CAMKK2: variants seen among roughly 807,000 people sequenced by gnomAD.
CAMKK2 encodes calcium/calmodulin dependent protein kinase kinase 2, also known as calcium/calmodulin-dependent protein kinase kinase 2.
Under a neutral mutation model 67.2 loss-of-function variants are expected in CAMKK2, and 30 were observed. The observed-to-expected ratio is 0.45, with a 90% CI of 0.33 to 0.61. The LOEUF (loss-of-function observed/expected upper bound fraction) is 0.61, where lower values mean the gene tolerates loss of function less well. CAMKK2 is among the 20% of genes least tolerant of loss of function. The pLI is 0.02. For missense variants in CAMKK2, 643 were observed against 802.0 expected (o/e 0.80, Z 2.39); for synonymous variants, 322 against 326.2 (o/e 0.99, Z 0.14).
intron 1 of CAMKK2, among the ~76,000 whole-genome samples, chr12:121,282,773 T>G (rs894349868): frequency 7.2e-6 from 1 of 138,578 alleles, no homozygotes; most frequent in Non-Finnish European, 1.5e-5. Context: ...TCTTTTCTTT[T>G]TGACAGAGTC....
chr12:121,253,200 G>T lies in CAMKK2; in HGVS notation c.1107+73C>A. Reference sequence around the variant, plus strand: ...TCACTGTTTAAGCCTGTGTGCGTTGGGTTTCTGCTGCTTACAATCCAGAAG... The same window carrying T: ...TCACTGTTTAAGCCTGTGTGCGTTGTGTTTCTGCTGCTTACAATCCAGAAG... On this transcript the variant is annotated intron_variant, in intron 10 of 16. Coordinates refer to ENST00000404169, the MANE Select transcript of CAMKK2 (RefSeq NM_001270485.2). The surrounding 1 kb of genome is among the most constrained non-coding windows in gnomAD (Gnocchi z 5.0). 1 of 1,345,588 alleles carries T rather than the reference G, an allele frequency of 7.4e-7. No individual in the cohort carries two copies. 83.4% of individuals were successfully genotyped at this position (1,345,588 alleles called of 1,614,324 possible).
Position 121,255,566 on chromosome 12 carries a change from G to A in CAMKK2, c.891C>T (p.Ile297=), listed in dbSNP as rs139606987. ...CCTGCTCACAGTACTCGATGCCTTTGATCAGATCCTGGAAGTAGAAACGGG... is the reference window on the plus strand; with the variant it reads ...CCTGCTCACAGTACTCGATGCCTTTAATCAGATCCTGGAAGTAGAAACGGG... ...DQARFYFQDL[I]KGIEYLHYQK... is the part of the protein sequence containing the mutation. The change falls in exon 9 of 17, where the codon ATC becomes ATT. Residue 297 remains isoleucine, a synonymous_variant. Coordinates refer to ENST00000404169, the MANE Select transcript of CAMKK2 (RefSeq NM_001270485.2). 1.3e-3 allele frequency: 2,129 copies of A among 1,611,374 alleles called. 4 individuals are homozygous for A. Among genetic ancestry groups the A allele is most frequent in the Middle Eastern group, 0.012 (71 of 6,058 alleles).
At chr12:121,290,164 T>C (rs940932484) in intron 1 of CAMKK2, among the ~76,000 whole-genome samples, 4 of 152,190 alleles carry the variant, frequency 2.6e-5, no homozygotes. Context: ...GTCTGGAACA[T>C]GGAAGGGTTC....
intron 16 of CAMKK2, among the ~76,000 whole-genome samples, chr12:121,241,929 A>C (rs927168553): frequency 6.6e-6 from 1 of 152,242 alleles, no homozygotes. Flanking sequence ...TGACCAAGGC[A>C]TCCTACCTGC....
chr12:121,291,439 C>T (rs776660054), intron 1 of CAMKK2, among the ~76,000 whole-genome samples: 2 of 152,100 alleles, frequency 1.3e-5, no homozygotes, highest in Non-Finnish European at 2.9e-5. Context: ...AGTACTGGGC[C>T]GCAGAAGCGA....
At chr12:121,281,357 C>T (rs1233834285) in intron 1 of CAMKK2, among the ~76,000 whole-genome samples, 1 of 152,218 alleles carries the variant, frequency 6.6e-6, no homozygotes, top group African/African-American at 2.4e-5. Flanking sequence ...TTGCCTCATC[C>T]CGGGCACAAC....
At position 121,270,958 on chromosome 12, in the gene CAMKK2, G is replaced by C. The variant is rs1223727449; in HGVS notation, c.472-13C>G. On this transcript the variant is annotated splice_polypyrimidine_tract_variant and intron_variant, in intron 2 of 16. Coordinates refer to ENST00000404169, the MANE Select transcript of CAMKK2 (RefSeq NM_001270485.2). ...GCTGCACACAGTCCTAGAGAGTAAG[G>C]AGAGACACGTGCAAAATGAATTTTA... 6.2e-7 allele frequency: 1 copy of C among 1,611,408 alleles called. No individual in the cohort carries two copies. The highest frequency in any genetic ancestry group is 8.5e-7 in the Non-Finnish European group (1 of 1,177,756).
chr12:121,289,890 C>T (rs1348805683), intron 1 of CAMKK2, among the ~76,000 whole-genome samples: 3 of 122,260 alleles, frequency 2.5e-5, no homozygotes, highest in Admixed American at 1.6e-4. Flanking sequence ...AAGACCCTGT[C>T]TTTAAAAAAA....
chr12:121,291,165 T>C (rs555587791), intron 1 of CAMKK2, among the ~76,000 whole-genome samples: 136 of 152,286 alleles, frequency 8.9e-4, no homozygotes, highest in African/African-American at 3.2e-3. Context: ...AAGGGGTAGG[T>C]AAGGGTGCAT....
intron 1 of CAMKK2, among the ~76,000 whole-genome samples, chr12:121,281,063 C>A (rs1047487952): frequency 6.6e-6 from 1 of 152,202 alleles, no homozygotes; most frequent in Non-Finnish European, 1.5e-5. Flanking sequence ...CATCACGGAA[C>A]CTACCGACAT....
intron 4 of CAMKK2, among the ~76,000 whole-genome samples, 192 bp from the exon 5 acceptor site, chr12:121,268,881 G>A (rs916930239): frequency 6.6e-6 from 1 of 152,146 alleles, no homozygotes; most frequent in African/African-American, 2.4e-5. Flanking sequence ...GTTGTAGGGA[G>A]GCTGGACTCC....
At chr12:121,252,104 T>G (rs1890858064) in intron 11 of CAMKK2, among the ~76,000 whole-genome samples, 2 of 143,140 alleles carry the variant, frequency 1.4e-5, no homozygotes, top group African/African-American at 5.0e-5. Context: ...CTGCTGTCCT[T>G]GCCCTAAATT....
intron 5 of CAMKK2, 109 bp from the exon 6 acceptor site, chr12:121,264,048 G>A: frequency 2.8e-6 from 3 of 1,062,938 alleles, no homozygotes; most frequent in Non-Finnish European, 3.9e-6. Context: ...CCACTCTGCA[G>A]GGCTGGAGTG....
chr12:121,250,269 C>G (rs1890409030), intron 11 of CAMKK2, among the ~76,000 whole-genome samples: 2 of 152,188 alleles, frequency 1.3e-5, no homozygotes, highest in Non-Finnish European at 2.9e-5. Flanking sequence ...AGAGCCTTTC[C>G]CAAGCACACT....
At chr12:121,279,767 A>G (rs1897411074) in intron 1 of CAMKK2, among the ~76,000 whole-genome samples, 2 of 152,220 alleles carry the variant, frequency 1.3e-5, no homozygotes, top group African/African-American at 2.4e-5. Flanking sequence ...CTCACAGGGC[A>G]GCTCATCACG....
intron 1 of CAMKK2, among the ~76,000 whole-genome samples, chr12:121,274,805 C>CTTTTTTTTTTTTTTTTTTTTTTTT (rs140150523): frequency 7.5e-6 from 1 of 132,920 alleles, no homozygotes; most frequent in African/African-American, 2.8e-5. Flanking sequence ...CTTTTTTTTT[C>CTTTTTTTTTTTTTTTTTTTTTTTT]TTTTTTTTTT....
intron 6 of CAMKK2, among the ~76,000 whole-genome samples, chr12:121,262,260 C>G (rs1893601621): frequency 6.6e-6 from 1 of 152,062 alleles, no homozygotes; most frequent in African/African-American, 2.4e-5. Flanking sequence ...CTCCTGTAAT[C>G]CCAGCACTTT....
intron 14 of CAMKK2, among the ~76,000 whole-genome samples, chr12:121,246,359 A>G (rs1037469418): frequency 6.6e-6 from 1 of 151,998 alleles, no homozygotes; most frequent in Non-Finnish European, 1.5e-5. Context: ...CAGCCTGGCC[A>G]GCATGGAGAA....
intron 1 of CAMKK2, among the ~76,000 whole-genome samples, chr12:121,279,734 G>C (rs1486606237): frequency 6.6e-6 from 1 of 152,200 alleles, no homozygotes; most frequent in African/African-American, 2.4e-5. Context: ...ATCCCCCAAG[G>C]CCTTGCCTCT....
Sources: gnomAD v4.1 joint callset for allele counts (sites outside exome capture counted in the v4.1 genomes callset) on GRCh38, gnomAD v4.1.1 for gene constraint, Gnocchi (gnomAD v3.1) non-coding constraint, MANE v1.5 for transcripts, NCBI Gene and HGNC (gene_info 2026-07-23, HGNC 2026-07-21) for gene names.